Variants in SEMA4D observed in about 807,000 individuals in gnomAD.
SEMA4D encodes semaphorin-4D.
SEMA4D carries 22 observed loss-of-function variants against 74.8 expected under a neutral mutation model. The observed-to-expected ratio is 0.29, with a 90% CI of 0.21 to 0.42. The LOEUF (loss-of-function observed/expected upper bound fraction) is 0.42, where lower values mean the gene tolerates loss of function less well. Ranked by LOEUF, SEMA4D falls within the 10% of genes least tolerant of loss-of-function variation. The pLI, the probability that SEMA4D is intolerant of heterozygous loss-of-function variation, is 1.00. For missense variants in SEMA4D, 937 were observed against 1,118.4 expected (o/e 0.84, Z 2.31); for synonymous variants, 445 against 463.7 (o/e 0.96, Z 0.52).
At chr9:89,465,334 G>C (rs1344268068) in intron 1 of SEMA4D, among the ~76,000 whole-genome samples, 1 of 152,082 alleles carries the variant, frequency 6.6e-6, no homozygotes, top group Non-Finnish European at 1.5e-5. Flanking sequence ...GGCTGCTAAC[G>C]GGTCACTTAA....
chr9:89,420,213 T>C (rs1846607085), intron 2 of SEMA4D, among the ~76,000 whole-genome samples: 1 of 152,198 alleles, frequency 6.6e-6, no homozygotes, highest in Non-Finnish European at 1.5e-5. Context: ...ACACACTTCC[T>C]TTCTTAGTGA....
In SEMA4D at chr9:89,378,414, G is replaced by A. The variant is rs1266597797; in HGVS notation, c.*290C>T. The A allele has an allele frequency of 5.9e-6, 2 of 340,902 alleles. No individual in the cohort carries two copies. Among genetic ancestry groups the A allele is most frequent in the African/African-American group, 4.2e-5 (2 of 48,130 alleles). 21.1% of individuals were successfully genotyped at this position (340,902 alleles called of 1,614,324 possible). ...GTCCAGCCACCTTTCCCCCACTACA[G>A]AAAGGGCTCAGGAACTCCGTGCCGC... is the stretch of plus-strand genomic sequence containing the variant. On this transcript the variant is annotated 3_prime_UTR_variant, in exon 16 of 16. Transcript: ENST00000422704.
At chr9:89,392,299 C>CA (rs1180423503) in intron 8 of SEMA4D, 124 bp downstream of exon 8, 27 of 692,128 alleles carry the variant, frequency 3.9e-5, no homozygotes, top group Middle Eastern at 4.2e-4. Flanking sequence ...AAGTATCCCC[C>CA]ACAAACAGGG....
chr9:89,408,427 C>T (rs757713605), intron 2 of SEMA4D, among the ~76,000 whole-genome samples: 24 of 152,168 alleles, frequency 1.6e-4, no homozygotes, highest in Non-Finnish European at 2.8e-4. Context: ...ACAGTGGTGA[C>T]AAGCTATCCA....
chr9:89,382,540 G>A (rs1237672149), intron 13 of SEMA4D, among the ~76,000 whole-genome samples: 1 of 152,110 alleles, frequency 6.6e-6, no homozygotes, highest in Non-Finnish European at 1.5e-5. Flanking sequence ...TGGAAACTGT[G>A]ATAATACACA....
At chr9:89,486,161 A>C (rs917495933) in intron 1 of SEMA4D, among the ~76,000 whole-genome samples, 4 of 152,210 alleles carry the variant, frequency 2.6e-5, no homozygotes, top group African/African-American at 9.7e-5. Flanking sequence ...GTTACTCCTG[A>C]GACATCGATC....
At chr9:89,369,002 G>A (rs1834128374) in intron 16 of SEMA4D, 1 of 152,266 alleles carries the variant, frequency 6.6e-6, no homozygotes, top group African/African-American at 2.4e-5. Flanking sequence ...CCAGATAACA[G>A]AAGAGACATG....
chr9:89,461,844 A>T (rs950301858), intron 1 of SEMA4D, among the ~76,000 whole-genome samples: 2 of 151,684 alleles, frequency 1.3e-5, no homozygotes, highest in Admixed American at 1.3e-4. Context: ...CTGGGATTAC[A>T]GGCGTGCGCC....
At chr9:89,468,957 C>T (rs1234003207) in intron 1 of SEMA4D, among the ~76,000 whole-genome samples, 1 of 152,166 alleles carries the variant, frequency 6.6e-6, no homozygotes, top group Non-Finnish European at 1.5e-5. Flanking sequence ...CAAGGGAATC[C>T]AGCCCCATAA....
chr9:89,391,427 G>A lies in SEMA4D; in HGVS notation c.623-12C>T, dbSNP rs201158307. On this transcript the variant is annotated splice_polypyrimidine_tract_variant and intron_variant, in intron 8 of 15. Transcript: ENST00000422704. Reference sequence around the variant, plus strand: ...CACGAAACTAGGCTCTGCAGAGAGAGGACAGTGATTATCCCAGAACACAGA... The same window carrying A: ...CACGAAACTAGGCTCTGCAGAGAGAAGACAGTGATTATCCCAGAACACAGA... 2.5e-6 allele frequency: 4 copies of A among 1,614,146 alleles called. No individual in the cohort carries two copies. The highest frequency in any genetic ancestry group is 1.1e-5 in the South Asian group (1 of 91,080).
At chr9:89,371,536 GGGGGTGTGTT>G (rs1336096258) in intron 16 of SEMA4D, among the ~76,000 whole-genome samples, 4 of 30,568 alleles carry the variant, frequency 1.3e-4, no homozygotes, top group African/African-American at 3.7e-4. Context: ...GTGTGTGTGT[GGGGGTGTGTT>G]TGGGGTGTGG....
chr9:89,469,207 C>T (rs1859537771), intron 1 of SEMA4D, among the ~76,000 whole-genome samples: 1 of 152,162 alleles, frequency 6.6e-6, no homozygotes, highest in African/African-American at 2.4e-5. Context: ...TTCTCAATAA[C>T]AACCAACCAC....
At chr9:89,416,471 C>T (rs1845732987) in intron 2 of SEMA4D, among the ~76,000 whole-genome samples, 1 of 152,092 alleles carries the variant, frequency 6.6e-6, no homozygotes, top group Admixed American at 6.5e-5. Flanking sequence ...ACACGCGAGG[C>T]GCGACCCACC....
At chr9:89,397,854 C>T (rs964525812) in intron 5 of SEMA4D, among the ~76,000 whole-genome samples, 4 of 152,180 alleles carry the variant, frequency 2.6e-5, no homozygotes, top group African/African-American at 9.7e-5. Context: ...GAAGAATGCC[C>T]AGTGCCAGGT....
chr9:89,426,557 C>A lies in SEMA4D; in HGVS notation c.-243-20858G>T, dbSNP rs187611429. The stretch of plus-strand genomic sequence containing the variant: ...CTGCGAAGGCCCCAGCTTTGCCTCA[C>A]TCCAGGCGGGAAACAAAAGGATGTT... On this transcript the variant is annotated intron_variant, in intron 2 of 15. Transcript: ENST00000422704. 6.9e-3 allele frequency among the ~76,000 whole-genome samples: 1,056 copies of A among 152,322 alleles called. 48 individuals are homozygous for A. The highest frequency in any genetic ancestry group is 0.063 in the Admixed American group (965 of 15,300).
chr9:89,455,267 C>T (rs1855656694), intron 2 of SEMA4D, among the ~76,000 whole-genome samples: 1 of 152,254 alleles, frequency 6.6e-6, no homozygotes, highest in South Asian at 2.1e-4. Context: ...GTCCACTCTG[C>T]ACACTTGAAA....
chr9:89,395,783 C>G (rs1403571049), intron 6 of SEMA4D, among the ~76,000 whole-genome samples: 1 of 152,176 alleles, frequency 6.6e-6, no homozygotes, highest in African/African-American at 2.4e-5. Flanking sequence ...GCTTCCTCAT[C>G]AAGTCTCTAA....
chr9:89,378,400 T>A lies in SEMA4D; in HGVS notation c.*304A>T, dbSNP rs556832906. Reference sequence around the variant, plus strand: ...CTCAGCCAACAGAGGTCCAGCCACCTTTCCCCCACTACAGAAAGGGCTCAG... The same window carrying A: ...CTCAGCCAACAGAGGTCCAGCCACCATTCCCCCACTACAGAAAGGGCTCAG... On this transcript the variant is annotated 3_prime_UTR_variant, in exon 16 of 16. Transcript: ENST00000422704. 97 of 304,948 alleles carry A rather than the reference T, an allele frequency of 3.2e-4. 1 individual carries two copies. The highest frequency in any genetic ancestry group is 1.4e-3 in the South Asian group (25 of 17,496). 18.9% of individuals were successfully genotyped at this position (304,948 alleles called of 1,614,324 possible). A position where few individuals can be genotyped will look rare whatever the true frequency, so the allele number is the denominator to read the frequency against.
At chr9:89,376,651 A>C (rs1227590107), downstream of SEMA4D, 1 of 868,224 alleles carries the variant, frequency 1.2e-6, no homozygotes, top group Non-Finnish European at 1.7e-6. Flanking sequence ...CACTGTCTAC[A>C]GTTTCCCTCG....
Sources: allele counts gnomAD v4.1 joint callset (sites outside exome capture counted in the v4.1 genomes callset), GRCh38; gene constraint gnomAD v4.1.1; transcripts MANE v1.5; gene names NCBI Gene and HGNC (gene_info 2026-07-23, HGNC 2026-07-21).